DAPL1: variants seen among roughly 807,000 people sequenced by gnomAD.
DAPL1 encodes death associated protein like 1.
DAPL1 carries 17 observed loss-of-function variants against 12.9 expected under a neutral mutation model. That is an observed-to-expected ratio of 1.32 (90% CI 0.90 to 1.98). The LOEUF (loss-of-function observed/expected upper bound fraction) is 1.98, where lower values mean the gene tolerates loss of function less well. DAPL1 is among the 30% of genes most tolerant of loss of function. The probability of loss-of-function intolerance (pLI) is 0.00; values close to 1 mark genes in which losing one functional copy is unlikely to be tolerated. For synonymous variants in DAPL1, 51 were observed against 42.0 expected (o/e 1.21, Z -0.82); for missense variants, 157 against 125.7 (o/e 1.25, Z -1.19).
chr2:158,802,181 G>A (rs2059171579), intron 1 of DAPL1, among the ~76,000 whole-genome samples: 1 of 152,230 alleles, frequency 6.6e-6, no homozygotes, highest in African/African-American at 2.4e-5. Flanking sequence ...TGCAACCTCT[G>A]CTAAGGGCAA....
chr2:158,796,196 C>A (rs1409253695), intron 1 of DAPL1, among the ~76,000 whole-genome samples: 2 of 152,158 alleles, frequency 1.3e-5, no homozygotes, highest in Non-Finnish European at 2.9e-5. Context: ...AACTGCCTTC[C>A]TTCTTTTTTA....
Position 158,815,852 on chromosome 2 carries a change from G to A in DAPL1, c.*31G>A. ...GATTTAAAACACAGCCGTCTGGCCA[G>A]CTGCCTCGAATATCTGACAGCTTAG... On this transcript the variant is annotated 3_prime_UTR_variant, in exon 4 of 4. Transcript: ENST00000309950. 6.7e-7 allele frequency: 1 copy of A among 1,500,310 alleles called. No homozygotes were observed. Among genetic ancestry groups the A allele is most frequent in the Non-Finnish European group, 9.3e-7 (1 of 1,075,984 alleles). 92.9% of individuals were successfully genotyped at this position (1,500,310 alleles called of 1,614,324 possible). A position where few individuals can be genotyped will look rare whatever the true frequency, so the allele number is the denominator to read the frequency against.
intron 1 of DAPL1, among the ~76,000 whole-genome samples, chr2:158,803,089 G>A (rs200663992): frequency 2.0e-5 from 3 of 152,204 alleles, no homozygotes; most frequent in South Asian, 4.1e-4. Flanking sequence ...ACAAGATGTA[G>A]AGCAATGTGT....
rs1427957579 is a variant in DAPL1, at chr2:158,804,309, A to G, written c.86A>G (p.Lys29Arg). The stretch of plus-strand genomic sequence containing the variant: ...AAAGCTGGAGGAATGAGAATTTCCA[A>G]AAAACAAGAAATTGGCACCTTGGAA... ...AVKAGGMRIS[K>R]KQEIGTLERH... is the part of the protein sequence containing the mutation. The change falls in exon 2 of 4, where the codon AAA (lysine) becomes AGA (arginine). Residue 29 changes from lysine (K) to arginine (R), a missense_variant. Physicochemically the swap from Lys to Arg is conservative, Grantham distance 26 (BLOSUM62 2). Coordinates refer to ENST00000309950, the MANE Select transcript of DAPL1 (RefSeq NM_001017920.3). The G allele has an allele frequency of 1.9e-6, 3 of 1,611,368 alleles. No individual in the cohort carries two copies. Among genetic ancestry groups the G allele is most frequent in the East Asian group, 2.2e-5 (1 of 44,866 alleles).
In DAPL1 at chr2:158,814,507, C is replaced by T. The variant is rs372865619; in HGVS notation, c.208-1198C>T. On this transcript the variant is annotated intron_variant, in intron 3 of 3. Coordinates refer to ENST00000309950, the MANE Select transcript of DAPL1 (RefSeq NM_001017920.3). ...AGGCATTGCCCATAATTCTATCCCCCAGAGGTAACCATTGCTAACACTTCA... is the reference window on the plus strand; with the variant it reads ...AGGCATTGCCCATAATTCTATCCCCTAGAGGTAACCATTGCTAACACTTCA... Among the ~76,000 whole-genome samples, 4 of 152,330 alleles carry T rather than the reference C, an allele frequency of 2.6e-5. No homozygotes were observed. The South Asian group carries it at 6.2e-4, about 24-fold the overall frequency.
At chr2:158,803,279 G>A (rs1225628890) in intron 1 of DAPL1, among the ~76,000 whole-genome samples, 1 of 152,176 alleles carries the variant, frequency 6.6e-6, no homozygotes, top group East Asian at 1.9e-4. Context: ...TGGGCCTTAT[G>A]CAGATAAGAT....
chr2:158,799,199 CTA>C (rs1477868463), intron 1 of DAPL1, among the ~76,000 whole-genome samples: 1 of 152,140 alleles, frequency 6.6e-6, no homozygotes, highest in Non-Finnish European at 1.5e-5. Context: ...TTTACATTGT[CTA>C]TCTCTAGTTC....
At chr2:158,808,247 T>C (rs1304657950) in intron 3 of DAPL1, among the ~76,000 whole-genome samples, 3 of 152,244 alleles carry the variant, frequency 2.0e-5, no homozygotes, top group Admixed American at 2.0e-4. Flanking sequence ...TGAAAAAGAT[T>C]AGTGCAGCTG....
chr2:158,795,547 A>G, intron 1 of DAPL1, 117 bp downstream of exon 1: 1 of 948,756 alleles, frequency 1.1e-6, no homozygotes, highest in East Asian at 2.6e-5. Flanking sequence ...TATGACTTTA[A>G]CTCCATGCAG....
chr2:158,804,502 C>A (rs1434663400), intron 2 of DAPL1, 133 bp downstream of exon 2: 1 of 528,616 alleles, frequency 1.9e-6, no homozygotes. Context: ...AGGGGGAGGG[C>A]GTGATCCGTG....
chr2:158,805,258 A>G (rs1429139687), intron 2 of DAPL1, among the ~76,000 whole-genome samples: 1 of 152,168 alleles, frequency 6.6e-6, no homozygotes, highest in African/African-American at 2.4e-5. Context: ...AATTTCTGGG[A>G]AGACATTTTT....
chr2:158,808,156 G>T (rs372250442), intron 3 of DAPL1, among the ~76,000 whole-genome samples: 27 of 152,370 alleles, frequency 1.8e-4, no homozygotes, highest in African/African-American at 6.5e-4. Context: ...TATGGAAGGC[G>T]TTGGACAAAG....
At chr2:158,801,095 G>A (rs895431085) in intron 1 of DAPL1, among the ~76,000 whole-genome samples, 4 of 152,040 alleles carry the variant, frequency 2.6e-5, no homozygotes, top group Admixed American at 1.3e-4. Flanking sequence ...CACCTGCCTC[G>A]GCCTCCCAAA....
rs531125526 is a variant in DAPL1 at position 158,797,207 on chromosome 2, C to T, written c.58+1777C>T. Reference sequence around the variant, plus strand: ...CTGGGTTTGAACCTCAACTTCATTTCACATCTTCGAGCCTGAGTTTCCTCA... The same window carrying T: ...CTGGGTTTGAACCTCAACTTCATTTTACATCTTCGAGCCTGAGTTTCCTCA... On this transcript the variant is annotated intron_variant, in intron 1 of 3. Coordinates refer to ENST00000309950, the MANE Select transcript of DAPL1 (RefSeq NM_001017920.3). Among the ~76,000 whole-genome samples, 140 of 152,310 alleles carry T rather than the reference C, an allele frequency of 9.2e-4. 1 individual carries two copies. The highest frequency in any genetic ancestry group is 1.8e-3 in the Non-Finnish European group (123 of 68,030).
chr2:158,798,983 C>G (rs1301899949), intron 1 of DAPL1, among the ~76,000 whole-genome samples: 1 of 152,044 alleles, frequency 6.6e-6, no homozygotes, highest in Non-Finnish European at 1.5e-5. Flanking sequence ...TACTCTCTAC[C>G]AAAAACTGTG....
chr2:158,807,213 A>T, intron 3 of DAPL1, 98 bp downstream of exon 3: 2 of 844,046 alleles, frequency 2.4e-6, no homozygotes, highest in Non-Finnish European at 3.6e-6. Context: ...GTTTTTTCCA[A>T]CCCAGAGGTT....
rs192888082 is a variant in DAPL1 at position 158,813,798 on chromosome 2, G to A, written c.208-1907G>A. Among the ~76,000 whole-genome samples the A allele has an allele frequency of 3.3e-3, 499 of 151,988 alleles. 1 individual carries two copies. The highest frequency in any genetic ancestry group is 6.0e-3 in the Non-Finnish European group (406 of 67,958). On this transcript the variant is annotated intron_variant, in intron 3 of 3. Transcript: ENST00000309950. ...TCTCGATCGCCTGACCTCATGATCC[G>A]CCCGCCTTGGCCTCCCAAAGTGCTG...
chr2:158,812,744 G>A (rs1440503597), intron 3 of DAPL1, among the ~76,000 whole-genome samples: 2 of 146,992 alleles, frequency 1.4e-5, no homozygotes, highest in African/African-American at 5.0e-5. Context: ...GCAGGGAGCA[G>A]AGATCACACC....
intron 2 of DAPL1, 123 bp downstream of exon 2, chr2:158,804,492 A>AG (rs2105151519): frequency 2.4e-6 from 1 of 416,906 alleles, no homozygotes; most frequent in Non-Finnish European, 4.2e-6. Context: ...AGGGGGCAGG[A>AG]GGGGGAGGGC....
Sources: allele counts gnomAD v4.1 joint callset (sites outside exome capture counted in the v4.1 genomes callset), GRCh38; gene constraint gnomAD v4.1.1; transcripts MANE v1.5; gene names NCBI Gene and HGNC (gene_info 2026-07-23, HGNC 2026-07-21).